MAEL: variants seen among roughly 807,000 people sequenced by gnomAD.
The protein encoded by MAEL is protein maelstrom homolog.
A neutral mutation model predicts 62.0 loss-of-function variants in MAEL; 46 were observed. That is an observed-to-expected ratio of 0.74 (90% CI 0.59 to 0.95). The LOEUF (loss-of-function observed/expected upper bound fraction) is 0.95, where lower values mean the gene tolerates loss of function less well. Among genes scored for constraint, MAEL ranks in the 40% least tolerant of loss-of-function variants. The pLI is 0.00. For synonymous variants in MAEL, 172 were observed against 175.5 expected (o/e 0.98, Z 0.16); for missense variants, 497 against 526.8 (o/e 0.94, Z 0.55).
intron 8 of MAEL, among the ~76,000 whole-genome samples, chr1:167,008,421 G>A (rs940318928): frequency 6.6e-6 from 1 of 152,008 alleles, no homozygotes; most frequent in Admixed American, 6.6e-5. Context: ...AGATCTGCAA[G>A]GAAGTGTGGT....
chr1:166,991,086 C>T (rs1160418897), intron 2 of MAEL, among the ~76,000 whole-genome samples: 1 of 152,130 alleles, frequency 6.6e-6, no homozygotes, highest in African/African-American at 2.4e-5. Context: ...TGGCCACTGG[C>T]CTGGCATGTA....
At chr1:166,996,472 T>C (rs989954449) in intron 5 of MAEL, among the ~76,000 whole-genome samples, 7 of 152,230 alleles carry the variant, frequency 4.6e-5, no homozygotes, top group African/African-American at 1.7e-4. Flanking sequence ...CAGCTTCCTA[T>C]ACAAAAGGTC....
chr1:166,993,950 G>A, intron 4 of MAEL, 78 bp from the exon 5 acceptor site: 1 of 1,023,436 alleles, frequency 9.8e-7, no homozygotes, highest in Non-Finnish European at 1.5e-6. Context: ...GTGATAACTT[G>A]GTCATCTTGT....
chr1:166,992,602 T>C, intron 3 of MAEL, 84 bp from the exon 4 acceptor site: 1 of 998,156 alleles, frequency 1.0e-6, no homozygotes, highest in Non-Finnish European at 1.4e-6. Flanking sequence ...TAAAACATTT[T>C]TTCCCTTCAA....
At chr1:167,007,161 C>T (rs1424257025) in intron 8 of MAEL, among the ~76,000 whole-genome samples, 1 of 151,222 alleles carries the variant, frequency 6.6e-6, no homozygotes, top group African/African-American at 2.4e-5. Context: ...CCTTTTTACC[C>T]ATTTATTTAT....
intron 5 of MAEL, among the ~76,000 whole-genome samples, chr1:166,995,430 G>A (rs1441280678): frequency 6.6e-6 from 1 of 151,872 alleles, no homozygotes; most frequent in Non-Finnish European, 1.5e-5. Context: ...GTAGAGCGGG[G>A]GTTTCTCCAT....
At chr1:167,004,550 G>C (rs2102097271) in intron 6 of MAEL, among the ~76,000 whole-genome samples, 1 of 152,236 alleles carries the variant, frequency 6.6e-6, no homozygotes, top group East Asian at 1.9e-4. Context: ...TGTTCTCTGA[G>C]TTCTTCTTTC....
intron 10 of MAEL, among the ~76,000 whole-genome samples, chr1:167,019,582 C>T (rs1022306345): frequency 6.6e-6 from 1 of 152,112 alleles, no homozygotes. Flanking sequence ...TAAAACTTGA[C>T]CCTCCTCTAA....
chr1:166,990,006 C>T, intron 2 of MAEL, 177 bp downstream of exon 2: 1 of 599,844 alleles, frequency 1.7e-6, no homozygotes, highest in Non-Finnish European at 3.0e-6. Context: ...AACCAACAGC[C>T]TCCACAACTA....
intron 5 of MAEL, among the ~76,000 whole-genome samples, chr1:167,002,041 A>G (rs769972540): frequency 5.3e-5 from 8 of 152,202 alleles, no homozygotes; most frequent in Non-Finnish European, 1.0e-4. Context: ...TTAGCCTCCC[A>G]AAGTGCTGGG....
At chr1:166,991,281 C>A in intron 2 of MAEL, 97 bp from the exon 3 acceptor site, 1 of 747,560 alleles carries the variant, frequency 1.3e-6, no homozygotes, top group Non-Finnish European at 2.4e-6. Context: ...CCTTGGTAAT[C>A]TATAGGCTGT....
At chr1:167,002,638 T>C (rs1274361033) in intron 5 of MAEL, among the ~76,000 whole-genome samples, 3 of 152,182 alleles carry the variant, frequency 2.0e-5, no homozygotes, top group Non-Finnish European at 2.9e-5. Flanking sequence ...TAAATTGGGT[T>C]TCAGACATCA....
rs1270658531 is a variant in MAEL, at chr1:167,021,209, T to C, written c.1117+49T>C. The C allele has an allele frequency of 3.2e-6, 4 of 1,246,920 alleles. No individual in the cohort carries two copies. In the African/African-American group the frequency reaches 5.9e-5, roughly 18 times the overall value. The allele number at this position is 1,246,920 out of a possible 1,614,324, so 77.2% of individuals were successfully genotyped here. On this transcript the variant is annotated intron_variant, in intron 11 of 11. Coordinates refer to ENST00000367872, the MANE Select transcript of MAEL (RefSeq NM_032858.3). Reference sequence around the variant, plus strand: ...AATGCACCTAAAGGATGTTAGAGCCTATTACTAAGATCCCAGGTGTGGTAT... The same window carrying C: ...AATGCACCTAAAGGATGTTAGAGCCCATTACTAAGATCCCAGGTGTGGTAT...
intron 8 of MAEL, among the ~76,000 whole-genome samples, chr1:167,006,915 C>G (rs781541195): frequency 1.4e-4 from 21 of 151,866 alleles, no homozygotes; most frequent in Non-Finnish European, 2.6e-4. Flanking sequence ...GGATTACATG[C>G]GTGAGCCACT....
Position 167,017,905 on chromosome 1 carries a change from G to T in MAEL, c.987G>T (p.Glu329Asp). 1 of 1,613,306 alleles carries T rather than the reference G, an allele frequency of 6.2e-7. No individual in the cohort carries two copies. ...CTCATGTACCACTACAAGATTATGA[G>T]GCCAGCAATAGTGTGACACCCAAAA... ...TEAHVPLQDY[E>D]ASNSVTPKMV... Residue 329 changes from glutamate (E) to aspartate (D), a missense_variant, in exon 10 of 12, where the codon GAG (glutamate) becomes GAT (aspartate). Physicochemically the swap from Glu to Asp is conservative, Grantham distance 45. Transcript: ENST00000367872.
chr1:166,994,442 G>A (rs998729049), intron 5 of MAEL, among the ~76,000 whole-genome samples: 1 of 152,034 alleles, frequency 6.6e-6, no homozygotes, highest in Non-Finnish European at 1.5e-5. Context: ...AAAATAAAAC[G>A]AGTTCTGAAT....
chr1:166,997,563 T>C (rs1415256157), intron 5 of MAEL, among the ~76,000 whole-genome samples: 1 of 152,186 alleles, frequency 6.6e-6, no homozygotes, highest in Non-Finnish European at 1.5e-5. Context: ...GGGGTCTTGC[T>C]TTATTGCCCA....
In MAEL at chr1:166,998,529, T is replaced by G. The variant is rs949737218; in HGVS notation, c.523+4460T>G. Among the ~76,000 whole-genome samples the G allele has an allele frequency of 2.0e-5, 3 of 152,200 alleles. No individual in the cohort carries two copies. The South Asian group carries it at 6.2e-4, about 32-fold the overall frequency. On this transcript the variant is annotated intron_variant, in intron 5 of 11. Transcript: ENST00000367872. ...TCTTTCTAATCTACATATCTTCATT[T>G]AAAATTTTTAAAATTTGCTTTGTCT...
chr1:167,021,503 A>T (rs999826749), intron 11 of MAEL, among the ~76,000 whole-genome samples, 165 bp from the exon 12 acceptor site: 5 of 152,206 alleles, frequency 3.3e-5, no homozygotes, highest in Non-Finnish European at 7.4e-5. Flanking sequence ...TGGTACCTAA[A>T]GAACTTCAAT....
Sources: allele counts gnomAD v4.1 joint callset (sites outside exome capture counted in the v4.1 genomes callset), GRCh38; gene constraint gnomAD v4.1.1; transcripts MANE v1.5; gene names NCBI Gene and HGNC (gene_info 2026-07-23, HGNC 2026-07-21).